The following GRIP1 variants were observed in gnomAD, a reference collection of about 807,000 sequenced individuals.
GRIP1 encodes the protein glutamate receptor interacting protein 1.
In GRIP1, 45 loss-of-function variants were observed where a neutral mutation model predicts 129.9. The ratio of observed to expected loss-of-function variants is 0.35; its 90% CI spans 0.27 to 0.44. GRIP1 has a LOEUF of 0.44. GRIP1 is among the 20% of genes least tolerant of loss of function. The pLI is 1.00. For missense variants in GRIP1, 1,196 were observed against 1,396.8 expected, an observed-to-expected ratio of 0.86 and a Z score of 2.29; for synonymous variants, 530 against 520.8, an observed-to-expected ratio of 1.02 and a Z score of -0.24.
chr12:66,413,262 A>C (rs1230303294), intron 15 of GRIP1, among the ~76,000 whole-genome samples: 1 of 152,178 alleles, frequency 6.6e-6, no homozygotes, highest in Non-Finnish European at 1.5e-5. Context: ...AGTCTCTCAG[A>C]CCACAGCACA....
At chr12:66,761,846 A>G (rs938840465) in intron 1 of GRIP1, among the ~76,000 whole-genome samples, 21 of 152,180 alleles carry the variant, frequency 1.4e-4, no homozygotes, top group African/African-American at 4.6e-4. Context: ...ACTAAACAAG[A>G]GAGAAGCAAC....
chr12:66,500,502 G>A (rs534507391), intron 7 of GRIP1, among the ~76,000 whole-genome samples: 10 of 152,154 alleles, frequency 6.6e-5, no homozygotes, highest in Admixed American at 1.3e-4. Context: ...ACAGGGAGAT[G>A]TCTAAATAGG....
chr12:66,653,727 C>G (rs1442627415), intron 1 of GRIP1, among the ~76,000 whole-genome samples: 1 of 152,166 alleles, frequency 6.6e-6, no homozygotes, highest in Non-Finnish European at 1.5e-5. Context: ...CAGTGGATAC[C>G]TCCAATAGAC....
intron 1 of GRIP1, among the ~76,000 whole-genome samples, chr12:66,859,274 AAC>A (rs1566054553): frequency 0.089 from 1,169 of 13,100 alleles, 53 homozygotes; most frequent in Non-Finnish European, 0.3. Flanking sequence ...AAAACAAAAA[AAC>A]AAAAAAACAA....
intron 1 of GRIP1, among the ~76,000 whole-genome samples, chr12:67,051,635 G>C (rs191899512): frequency 2.0e-5 from 3 of 152,302 alleles, no homozygotes; most frequent in African/African-American, 7.2e-5. Context: ...GGTAAAGCTA[G>C]TCATGAGTGG....
chr12:66,421,566 C>CT (rs958935454), intron 14 of GRIP1, among the ~76,000 whole-genome samples: 17 of 148,420 alleles, frequency 1.1e-4, no homozygotes, highest in Non-Finnish European at 2.1e-4. Context: ...CAATAAAGTT[C>CT]TTTTTTTTTT....
chr12:66,815,818 A>AGATT (rs1418466008), intron 1 of GRIP1, among the ~76,000 whole-genome samples: 1 of 98,546 alleles, frequency 1.0e-5, no homozygotes, highest in Non-Finnish European at 1.9e-5. Flanking sequence ...ACAAGATGAA[A>AGATT]GATTTCTTTC....
intron 2 of GRIP1, among the ~76,000 whole-genome samples, chr12:66,590,685 T>C (rs1299152827): frequency 1.3e-5 from 2 of 152,228 alleles, no homozygotes; most frequent in South Asian, 2.1e-4. Context: ...GTTTTAGGAC[T>C]GCACAGACAT....
intron 1 of GRIP1, among the ~76,000 whole-genome samples, chr12:66,964,612 T>TC (rs993063329): frequency 3.9e-5 from 6 of 152,072 alleles, no homozygotes; most frequent in African/African-American, 9.6e-5. Flanking sequence ...TTTTCCCTGA[T>TC]CCCCCCAGTT....
chr12:66,414,329 G>T (rs1358411919), intron 15 of GRIP1, among the ~76,000 whole-genome samples: 1 of 151,982 alleles, frequency 6.6e-6, no homozygotes, highest in Non-Finnish European at 1.5e-5. Flanking sequence ...AATAATCAAA[G>T]AACTCCCATT....
At chr12:66,993,981 G>A (rs545232955) in intron 1 of GRIP1, among the ~76,000 whole-genome samples, 3 of 152,046 alleles carry the variant, frequency 2.0e-5, no homozygotes, top group Non-Finnish European at 2.9e-5. Flanking sequence ...AAATCTGAAC[G>A]GATCTATAAC....
chr12:66,900,190 G>C (rs1011011634), intron 1 of GRIP1, among the ~76,000 whole-genome samples: 1 of 152,172 alleles, frequency 6.6e-6, no homozygotes. Flanking sequence ...AGGCTTGTCT[G>C]TATATAATAG....
intron 1 of GRIP1, among the ~76,000 whole-genome samples, chr12:66,722,928 T>A (rs1357988349): frequency 6.6e-6 from 1 of 152,094 alleles, no homozygotes; most frequent in East Asian, 1.9e-4. Flanking sequence ...TATAACTTTA[T>A]TTTGCTAAAG....
chr12:66,635,325 G>A (rs1211097238), intron 1 of GRIP1, among the ~76,000 whole-genome samples: 1 of 151,884 alleles, frequency 6.6e-6, no homozygotes, highest in Admixed American at 6.6e-5. Context: ...GGGGGTGGCT[G>A]AAGCAAGAGG....
intron 1 of GRIP1, among the ~76,000 whole-genome samples, chr12:66,665,977 T>C (rs1375569774): frequency 1.3e-5 from 2 of 152,156 alleles, no homozygotes; most frequent in African/African-American, 2.4e-5. Context: ...CATGTCAACT[T>C]CACATGGTAT....
intron 1 of GRIP1, among the ~76,000 whole-genome samples, chr12:66,995,590 T>C (rs753285469): frequency 6.6e-6 from 1 of 152,168 alleles, no homozygotes; most frequent in Non-Finnish European, 1.5e-5. Flanking sequence ...CATGAAAAGA[T>C]GCTTTACATC....
At chr12:66,572,256 C>T (rs1227266754) in intron 2 of GRIP1, among the ~76,000 whole-genome samples, 1 of 152,190 alleles carries the variant, frequency 6.6e-6, no homozygotes, top group African/African-American at 2.4e-5. Flanking sequence ...ATTATCTCTC[C>T]CTCTTCCAGG....
At chr12:66,908,653 G>A (rs1203090365) in intron 1 of GRIP1, among the ~76,000 whole-genome samples, 1 of 152,162 alleles carries the variant, frequency 6.6e-6, no homozygotes, top group Non-Finnish European at 1.5e-5. Context: ...ATAGGACATA[G>A]AAAATATTTT....
intron 1 of GRIP1, among the ~76,000 whole-genome samples, chr12:66,995,333 A>C (rs2042451669): frequency 6.6e-6 from 1 of 152,126 alleles, no homozygotes; most frequent in South Asian, 2.1e-4. Context: ...GTGACAAAAG[A>C]AACAACAAAT....
Sources: gnomAD v4.1 joint callset for allele counts (sites outside exome capture counted in the v4.1 genomes callset) on GRCh38, gnomAD v4.1.1 for gene constraint, MANE v1.5 for transcripts, NCBI Gene and HGNC (gene_info 2026-07-23, HGNC 2026-07-21) for gene names.